Variants in SPMIP2 observed in about 807,000 individuals in gnomAD.
SPMIP2 encodes the protein protein SPMIP2.
At chr4:159,021,396 T>C in the SPMIP2 span, among the ~76,000 whole-genome samples, 1 of 152,234 alleles carries the variant, frequency 6.6e-6, no homozygotes, top group Non-Finnish European at 1.5e-5. Context: ...CCGCATTGAT[T>C]TGTGAATGAG....
At chr4:158,944,855 A>G in the SPMIP2 span, among the ~76,000 whole-genome samples, 1 of 152,104 alleles carries the variant, frequency 6.6e-6, no homozygotes, top group Non-Finnish European at 1.5e-5. Context: ...GGCCACTATC[A>G]TTCTCCTGGG....
At chr4:159,009,631 TCCC>T in the SPMIP2 span, among the ~76,000 whole-genome samples, 4 of 152,212 alleles carry the variant, frequency 2.6e-5, no homozygotes, top group South Asian at 8.3e-4. Flanking sequence ...TCTTCAAATG[TCCC>T]CATGTTTCCG....
chr4:158,911,905 A>G, the SPMIP2 span, among the ~76,000 whole-genome samples: 1 of 152,210 alleles, frequency 6.6e-6, no homozygotes, highest in Non-Finnish European at 1.5e-5. Context: ...ATAGAAATAA[A>G]TTATGTTAAA....
the SPMIP2 span, among the ~76,000 whole-genome samples, chr4:159,020,755 C>CGTT: frequency 2.6e-5 from 4 of 151,966 alleles, no homozygotes. Flanking sequence ...TCTTTTTTGT[C>CGTT]GTTGTTGTTG....
chr4:159,017,398 C>A, the SPMIP2 span, among the ~76,000 whole-genome samples: 1 of 149,456 alleles, frequency 6.7e-6, no homozygotes, highest in Non-Finnish European at 1.5e-5. Context: ...AGACTGCAAA[C>A]TTCTCAAGCC....
chr4:158,917,720 C>CT, the SPMIP2 span, among the ~76,000 whole-genome samples: 4 of 70,282 alleles, frequency 5.7e-5, no homozygotes, highest in Non-Finnish European at 7.8e-5. Flanking sequence ...CACTATTTGA[C>CT]TTTTTTTTTT....
At chr4:159,017,544 G>A in the SPMIP2 span, among the ~76,000 whole-genome samples, 1 of 152,052 alleles carries the variant, frequency 6.6e-6, no homozygotes, top group Non-Finnish European at 1.5e-5. Context: ...CTGGGCTCAA[G>A]TGATTCCTCC....
At chr4:159,065,451 C>T in the SPMIP2 span, among the ~76,000 whole-genome samples, 2 of 152,132 alleles carry the variant, frequency 1.3e-5, no homozygotes, top group East Asian at 1.9e-4. Context: ...GGTGTGTTGG[C>T]TCACACCTGT....
the SPMIP2 span, chr4:158,893,389 T>C: frequency 1.8e-4 from 49 of 273,404 alleles, no homozygotes; most frequent in Non-Finnish European, 6.9e-6. Flanking sequence ...CCTATGGTTA[T>C]GAAATTATAT....
chr4:158,985,272 C>A, the SPMIP2 span, among the ~76,000 whole-genome samples: 136,874 of 139,228 alleles, frequency 0.98, 67,330 homozygotes, highest in East Asian at 1. Context: ...AATCCTCCCT[C>A]ACTCATTTTA....
the SPMIP2 span, among the ~76,000 whole-genome samples, chr4:158,986,538 C>T: frequency 6.6e-6 from 1 of 151,796 alleles, no homozygotes; most frequent in African/African-American, 2.4e-5. Flanking sequence ...AGAAAGGATT[C>T]CCTATTTAAT....
the SPMIP2 span, among the ~76,000 whole-genome samples, chr4:158,935,168 C>T: frequency 1.6e-4 from 24 of 152,296 alleles, no homozygotes; most frequent in Non-Finnish European, 2.8e-4. Context: ...ACCAGACAAC[C>T]AGTCATTCCC....
the SPMIP2 span, among the ~76,000 whole-genome samples, chr4:159,037,499 C>A: frequency 1.3e-5 from 2 of 151,004 alleles, no homozygotes; most frequent in Non-Finnish European, 2.9e-5. Context: ...AACTACAAGG[C>A]CTGGCATAGT....
At chr4:159,060,505 C>G in the SPMIP2 span, among the ~76,000 whole-genome samples, 44 of 152,268 alleles carry the variant, frequency 2.9e-4, no homozygotes, top group Non-Finnish European at 5.7e-4. Context: ...TTCCCAGACA[C>G]TGGAAGAGTG....
At chr4:158,937,877 C>T in the SPMIP2 span, among the ~76,000 whole-genome samples, 1 of 152,208 alleles carries the variant, frequency 6.6e-6, no homozygotes, top group Admixed American at 6.5e-5. Flanking sequence ...ACAATAAATT[C>T]CAAGGATAAT....
the SPMIP2 span, among the ~76,000 whole-genome samples, chr4:159,062,811 C>T: frequency 2.0e-5 from 3 of 151,798 alleles, no homozygotes; most frequent in Admixed American, 2.0e-4. Context: ...ATCTCAGCCT[C>T]CCAAGTAGCT....
At chr4:158,956,608 G>A in the SPMIP2 span, among the ~76,000 whole-genome samples, 6 of 152,106 alleles carry the variant, frequency 3.9e-5, no homozygotes, top group Admixed American at 6.6e-5. Context: ...TCCAAACCCC[G>A]ATCAATAGGA....
chr4:158,966,393 C>T, the SPMIP2 span, among the ~76,000 whole-genome samples: 60 of 152,270 alleles, frequency 3.9e-4, no homozygotes, highest in South Asian at 2.3e-3. Flanking sequence ...ACAGGATTAA[C>T]GCCAGATTTA....
At chr4:159,054,706 T>G in the SPMIP2 span, among the ~76,000 whole-genome samples, 1 of 152,194 alleles carries the variant, frequency 6.6e-6, no homozygotes, top group Non-Finnish European at 1.5e-5. Context: ...AAAACTTTGC[T>G]CCTGAGGACA....
Sources: gnomAD v4.1 joint callset for allele counts (sites outside exome capture counted in the v4.1 genomes callset) on GRCh38, gnomAD v4.1.1 for gene constraint, MANE v1.5 for transcripts, NCBI Gene and HGNC (gene_info 2026-07-23, HGNC 2026-07-21) for gene names.